The following GRK4 variants were observed in gnomAD, a reference collection of about 807,000 sequenced individuals.
The protein encoded by GRK4 is G protein-coupled receptor kinase 4.
In GRK4, 73 loss-of-function variants were observed where a neutral mutation model predicts 77.9. The observed-to-expected ratio is 0.94, with a 90% CI of 0.78 to 1.14. The LOEUF (loss-of-function observed/expected upper bound fraction) is 1.14, where lower values mean the gene tolerates loss of function less well. Among genes scored for constraint, GRK4 ranks in the 50% most tolerant of loss-of-function variants. GRK4 has a pLI of 0.00. For synonymous variants in GRK4, 257 were observed against 254.4 expected (o/e 1.01, Z -0.10); for missense variants, 729 against 700.2 (o/e 1.04, Z -0.46).
Position 2,988,916 on chromosome 4 carries a change from T to C in GRK4, c.261+77T>C, listed in dbSNP as rs146009146. 9.0e-4 allele frequency: 779 copies of C among 866,632 alleles called. 3 individuals are homozygous for C. The African/African-American group carries it at 0.012, about 13-fold the overall frequency. The allele number at this position is 866,632 out of a possible 1,614,324, so 53.7% of individuals were successfully genotyped here. A position where few individuals can be genotyped will look rare whatever the true frequency, so the allele number is the denominator to read the frequency against. On this transcript the variant is annotated intron_variant, in intron 3 of 15. Coordinates refer to ENST00000398052, the MANE Select transcript of GRK4 (RefSeq NM_182982.3). ...AATGTAAAAACTTGGCCAGGCGCAG[T>C]AGCTCATGCTGTAATCCCAGCATTT...
chr4:3,026,078 G>A (rs945393576), intron 10 of GRK4, among the ~76,000 whole-genome samples: 14 of 152,216 alleles, frequency 9.2e-5, no homozygotes, highest in East Asian at 1.9e-4. Flanking sequence ...CGTTGGTGCC[G>A]CGATGGAGAG....
chr4:2,964,358 G>C (rs1003503220), intron 1 of GRK4, among the ~76,000 whole-genome samples: 1 of 152,106 alleles, frequency 6.6e-6, no homozygotes, highest in African/African-American at 2.4e-5. Context: ...GATGAGAGAA[G>C]TCTGCGCTTT....
At chr4:3,031,526 G>A (rs1739173028) in intron 12 of GRK4, among the ~76,000 whole-genome samples, 1 of 152,210 alleles carries the variant, frequency 6.6e-6, no homozygotes, top group Non-Finnish European at 1.5e-5. Flanking sequence ...GAGAGGCCGG[G>A]GAGCTGGGCT....
chr4:3,018,785 G>A (rs954374891), intron 8 of GRK4, among the ~76,000 whole-genome samples: 2 of 152,126 alleles, frequency 1.3e-5, no homozygotes, highest in Non-Finnish European at 2.9e-5. Flanking sequence ...GGCTGAGGCA[G>A]GAGAATCGCT....
intron 2 of GRK4, chr4:2,987,231 C>T: frequency 2.2e-6 from 1 of 447,268 alleles, no homozygotes; most frequent in Non-Finnish European, 4.4e-6. Flanking sequence ...TCTTTTGTGA[C>T]AGGCTTTTTT....
intron 1 of GRK4, among the ~76,000 whole-genome samples, chr4:2,979,185 A>T (rs1722083325): frequency 6.6e-6 from 1 of 151,350 alleles, no homozygotes. Context: ...AGATCGCGCC[A>T]TTGCACTCCA....
At position 3,001,089 on chromosome 4, in the gene GRK4, A is replaced by ATATATATATATATGTGTGTG; in HGVS notation, c.340-3141_340-3140insATATATATATATGTGTGTGT. On this transcript the variant is annotated intron_variant, in intron 4 of 15. Transcript: ENST00000398052. ...TAAATGAGACTATATATATATATAT[A>ATATATATATATATGTGTGTG]TGTGTGTGTGTGTGTGTATATATAT... Among the ~76,000 whole-genome samples the ATATATATATATATGTGTGTG allele has an allele frequency of 2.8e-3, 232 of 82,424 alleles. 21 individuals carry two copies. The highest frequency in any genetic ancestry group is 8.8e-3 in the African/African-American group (152 of 17,212). The allele number at this position is 82,424 out of a possible 152,430, so 54.1% of individuals were successfully genotyped here.
At chr4:3,031,079 T>C (rs944570067) in intron 12 of GRK4, among the ~76,000 whole-genome samples, 2 of 151,928 alleles carry the variant, frequency 1.3e-5, no homozygotes, top group Admixed American at 6.6e-5. Context: ...GGAGAAGACT[T>C]CAGGCTGACT....
intron 10 of GRK4, among the ~76,000 whole-genome samples, chr4:3,023,647 T>G (rs1484947810): frequency 6.6e-6 from 1 of 152,188 alleles, no homozygotes; most frequent in Non-Finnish European, 1.5e-5. Flanking sequence ...TGTCCGTAGC[T>G]CCTGACTTAG....
intron 13 of GRK4, among the ~76,000 whole-genome samples, chr4:3,036,808 G>A (rs944712977): frequency 3.3e-5 from 5 of 152,190 alleles, no homozygotes; most frequent in African/African-American, 1.2e-4. Context: ...AGTGGGAGCT[G>A]CTGCTGTTCC....
At chr4:2,980,852 C>T (rs771706545) in intron 1 of GRK4, among the ~76,000 whole-genome samples, 5 of 152,250 alleles carry the variant, frequency 3.3e-5, no homozygotes, top group South Asian at 4.1e-4. Flanking sequence ...CCCACTTGGC[C>T]TGGCAGGCTG....
chr4:2,988,075 CAAAAAAAAAAA>C (rs67664476), intron 2 of GRK4, among the ~76,000 whole-genome samples: 3 of 33,654 alleles, frequency 8.9e-5, no homozygotes, highest in Non-Finnish European at 1.7e-4. Context: ...GGCTCTGTCT[CAAAAAAAAAAA>C]AAAAAAAAAA....
intron 10 of GRK4, among the ~76,000 whole-genome samples, chr4:3,026,234 A>T (rs1205314578): frequency 6.6e-6 from 1 of 152,166 alleles, no homozygotes; most frequent in Non-Finnish European, 1.5e-5. Flanking sequence ...AGTGCACGAG[A>T]GCACCTGTTT....
chr4:2,979,918 C>T (rs980707377), intron 1 of GRK4, among the ~76,000 whole-genome samples: 4 of 152,172 alleles, frequency 2.6e-5, no homozygotes, highest in Non-Finnish European at 5.9e-5. Context: ...TCAGAAATAC[C>T]TGCATATGTG....
Position 2,976,753 on chromosome 4 carries a change from C to CCT in GRK4, c.53-7758_53-7757dup, listed in dbSNP as rs528766758. 2.6e-4 allele frequency among the ~76,000 whole-genome samples: 40 copies of CCT among 151,986 alleles called. No homozygotes were observed. In the East Asian group the frequency reaches 6.4e-3, roughly 24 times the overall value. ...CTTCCAGGTTCAGGTGATTCTCCCGCCTCAGCCTCCCAAGTAGCTGGGATT... is the reference window on the plus strand; with the variant it reads ...CTTCCAGGTTCAGGTGATTCTCCCGCCTCTCAGCCTCCCAAGTAGCTGGGATT... On this transcript the variant is annotated intron_variant, in intron 1 of 15. Coordinates refer to ENST00000398052, the MANE Select transcript of GRK4 (RefSeq NM_182982.3).
At chr4:3,006,939 C>T (rs1324369390) in intron 5 of GRK4, among the ~76,000 whole-genome samples, 1 of 152,176 alleles carries the variant, frequency 6.6e-6, no homozygotes, top group Non-Finnish European at 1.5e-5. Flanking sequence ...AAGGGCCAAT[C>T]TTTCAGTCCA....
chr4:2,964,414 T>G (rs1023053077), intron 1 of GRK4, among the ~76,000 whole-genome samples: 1 of 152,040 alleles, frequency 6.6e-6, no homozygotes, highest in Non-Finnish European at 1.5e-5. Flanking sequence ...CCTCTCGGTG[T>G]GACCTCGGTG....
intron 13 of GRK4, among the ~76,000 whole-genome samples, chr4:3,035,981 A>G (rs1740513455): frequency 6.7e-6 from 1 of 149,164 alleles, no homozygotes; most frequent in Non-Finnish European, 1.5e-5. Flanking sequence ...CACACCACCC[A>G]GCTCATTTTC....
At chr4:3,028,092 G>A in intron 11 of GRK4, 91 bp downstream of exon 11, 1 of 1,115,692 alleles carries the variant, frequency 9.0e-7, no homozygotes, top group Non-Finnish European at 1.4e-6. Context: ...ATGGACCGGG[G>A]CCTCGGTTTG....
Sources: allele counts gnomAD v4.1 joint callset (sites outside exome capture counted in the v4.1 genomes callset), GRCh38; gene constraint gnomAD v4.1.1; transcripts MANE v1.5; gene names NCBI Gene and HGNC (gene_info 2026-07-23, HGNC 2026-07-21).